The following HSD17B12 variants were observed in gnomAD, a reference collection of about 807,000 sequenced individuals.
The protein encoded by HSD17B12 is very-long-chain 3-oxoacyl-CoA reductase.
Under a neutral mutation model 39.3 loss-of-function variants are expected in HSD17B12, and 32 were observed. The ratio of observed to expected loss-of-function variants is 0.81; its 90% CI spans 0.61 to 1.09. The LOEUF is 1.09. Ranked by LOEUF, HSD17B12 falls within the 50% of genes least tolerant of loss-of-function variation. The pLI, the probability that HSD17B12 is intolerant of heterozygous loss-of-function variation, is 0.00. For missense variants in HSD17B12, 342 were observed against 382.9 expected (o/e 0.89, Z 0.89); for synonymous variants, 150 against 146.7 (o/e 1.02, Z -0.16).
At chr11:43,653,303 A>G in the HSD17B12 span, among the ~76,000 whole-genome samples, 1 of 152,316 alleles carries the variant, frequency 6.6e-6, no homozygotes. Context: ...TGGAGTTGAA[A>G]TTACTCATAA....
chr11:43,627,721 T>C, the HSD17B12 span, among the ~76,000 whole-genome samples: 1 of 152,034 alleles, frequency 6.6e-6, no homozygotes, highest in Admixed American at 6.6e-5. Flanking sequence ...AAAAATTTAA[T>C]CTGCGTTAAA....
the HSD17B12 span, chr11:43,584,492 G>C: frequency 6.6e-6 from 1 of 152,342 alleles, no homozygotes; most frequent in Non-Finnish European, 1.5e-5. Flanking sequence ...AAATGACCCA[G>C]CCGCCAATCA....
rs140675441 is a variant in HSD17B12, at chr11:43,748,964, A to G, written c.161-1947A>G. Among the ~76,000 whole-genome samples, 334 of 152,274 alleles carry G rather than the reference A, an allele frequency of 2.2e-3. 1 individual carries two copies. Among genetic ancestry groups the G allele is most frequent in the African/African-American group, 7.7e-3 (320 of 41,566 alleles). On this transcript the variant is annotated intron_variant, in intron 1 of 10. Transcript: ENST00000278353. The stretch of plus-strand genomic sequence containing the variant: ...AGATGAATGATTGAACTCTAATATG[A>G]CCATTTTGCAACCCCTAATGAAATA...
the HSD17B12 span, among the ~76,000 whole-genome samples, chr11:43,590,532 CAG>C: frequency 5.3e-5 from 1 of 18,938 alleles, no homozygotes; most frequent in African/African-American, 1.6e-4. Context: ...TTTTTTGAGA[CAG>C]AGTCTTACTC....
chr11:43,595,663 A>G, the HSD17B12 span, among the ~76,000 whole-genome samples: 1 of 142,832 alleles, frequency 7.0e-6, no homozygotes, highest in Admixed American at 7.0e-5. Context: ...TAACACCAAC[A>G]AAAAAAAATG....
At chr11:43,623,074 A>G in the HSD17B12 span, among the ~76,000 whole-genome samples, 10 of 152,294 alleles carry the variant, frequency 6.6e-5, no homozygotes, top group Admixed American at 6.5e-4. Context: ...ATACCAACAA[A>G]AAGGAAAAAT....
At chr11:43,764,402 T>A (rs1252668929) in intron 3 of HSD17B12, among the ~76,000 whole-genome samples, 1 of 152,144 alleles carries the variant, frequency 6.6e-6, no homozygotes, top group Non-Finnish European at 1.5e-5. Context: ...TAGATTTAAA[T>A]AAGCACTTAC....
intron 3 of HSD17B12, among the ~76,000 whole-genome samples, chr11:43,763,611 T>TTATATATATATATATATAAGGTTATCTTA (rs34924658): frequency 2.1e-5 from 3 of 145,650 alleles, no homozygotes; most frequent in Non-Finnish European, 4.5e-5. Flanking sequence ...TAAGGTTATC[T>TTATATATATATATATATAAGGTTATCTTA]TATATATATA....
At chr11:43,580,757 G>T in the HSD17B12 span, among the ~76,000 whole-genome samples, 1 of 151,946 alleles carries the variant, frequency 6.6e-6, no homozygotes. Context: ...ACATGTTCCA[G>T]TCTAGGTTTT....
chr11:43,658,705 G>A, the HSD17B12 span, among the ~76,000 whole-genome samples: 4 of 152,216 alleles, frequency 2.6e-5, no homozygotes, highest in African/African-American at 9.6e-5. Context: ...CTGCAGAACA[G>A]CGGATATGGG....
At chr11:43,565,623 C>G in the HSD17B12 span, among the ~76,000 whole-genome samples, 2 of 152,174 alleles carry the variant, frequency 1.3e-5, no homozygotes, top group South Asian at 4.1e-4. Flanking sequence ...CTTTAAGGTA[C>G]AGGACCTAAA....
chr11:43,663,810 C>T, the HSD17B12 span, among the ~76,000 whole-genome samples: 1 of 151,952 alleles, frequency 6.6e-6, no homozygotes, highest in Non-Finnish European at 1.5e-5. Flanking sequence ...AAGATTCAAC[C>T]CCTCTAGTGG....
chr11:43,768,590 A>T (rs1305748146), intron 3 of HSD17B12, among the ~76,000 whole-genome samples: 1 of 152,040 alleles, frequency 6.6e-6, no homozygotes, highest in Non-Finnish European at 1.5e-5. Flanking sequence ...TGGGTCCAGA[A>T]TTTATTCCTT....
the HSD17B12 span, among the ~76,000 whole-genome samples, chr11:43,669,362 G>A: frequency 2.6e-5 from 4 of 152,038 alleles, no homozygotes; most frequent in African/African-American, 9.7e-5. Context: ...TTAGCTGGGC[G>A]TGGTGGCAGG....
the HSD17B12 span, among the ~76,000 whole-genome samples, chr11:43,588,967 C>T: frequency 7.3e-6 from 1 of 136,544 alleles, no homozygotes; most frequent in African/African-American, 2.7e-5. Context: ...TTGCAAATCA[C>T]TCTTTTTGCC....
the HSD17B12 span, among the ~76,000 whole-genome samples, chr11:43,651,153 A>G: frequency 2.3e-4 from 35 of 152,372 alleles, no homozygotes; most frequent in African/African-American, 8.2e-4. Flanking sequence ...GGTATGTAAA[A>G]CACGTTGGAA....
the HSD17B12 span, among the ~76,000 whole-genome samples, chr11:43,641,339 A>C: frequency 6.6e-6 from 1 of 152,128 alleles, no homozygotes; most frequent in East Asian, 1.9e-4. Context: ...AAATTAAAAT[A>C]AAAGTTATGA....
At chr11:43,582,217 AG>A in the HSD17B12 span, among the ~76,000 whole-genome samples, 1 of 152,228 alleles carries the variant, frequency 6.6e-6, no homozygotes, top group African/African-American at 2.4e-5. Context: ...GCCCCCGCAG[AG>A]AAGGAGCTTT....
chr11:43,849,558 C>T (rs1455176469), intron 9 of HSD17B12, among the ~76,000 whole-genome samples: 1 of 152,204 alleles, frequency 6.6e-6, no homozygotes, highest in Non-Finnish European at 1.5e-5. Flanking sequence ...AGGCTCTTCA[C>T]CCAGATATTC....
Sources: allele counts gnomAD v4.1 joint callset (sites outside exome capture counted in the v4.1 genomes callset), GRCh38; gene constraint gnomAD v4.1.1; transcripts MANE v1.5; gene names NCBI Gene and HGNC (gene_info 2026-07-23, HGNC 2026-07-21).